Variants in HUNK observed in about 807,000 individuals in gnomAD.
HUNK encodes hormonally up-regulated Neu-associated kinase, also known as hormonally up-regulated neu tumor-associated kinase.
In HUNK, 21 loss-of-function variants were observed where a neutral mutation model predicts 61.0. The observed-to-expected ratio is 0.34, with a 90% confidence interval of 0.24 to 0.50. The LOEUF (loss-of-function observed/expected upper bound fraction) is 0.50, where lower values mean the gene tolerates loss of function less well. HUNK is among the 20% of genes least tolerant of loss of function. The pLI, the probability that HUNK is intolerant of heterozygous loss-of-function variation, is 0.98. For missense variants in HUNK, 772 were observed against 945.7 expected (o/e 0.82, Z 2.41); for synonymous variants, 371 against 386.1 (o/e 0.96, Z 0.46).
intron 5 of HUNK, among the ~76,000 whole-genome samples, chr21:31,961,419 T>G (rs1479298156): frequency 1.3e-5 from 2 of 152,140 alleles, no homozygotes; most frequent in East Asian, 3.9e-4. Flanking sequence ...TGCCTAAGAG[T>G]GAAATTGCTG....
At chr21:31,910,689 A>C (rs2052539963) in intron 1 of HUNK, among the ~76,000 whole-genome samples, 1 of 152,020 alleles carries the variant, frequency 6.6e-6, no homozygotes, top group Non-Finnish European at 1.5e-5. Flanking sequence ...GGGTTTTGCC[A>C]TGTTAGCCAG....
chr21:31,926,080 G>A (rs1331282507), intron 2 of HUNK, among the ~76,000 whole-genome samples: 3 of 152,074 alleles, frequency 2.0e-5, no homozygotes, highest in Non-Finnish European at 4.4e-5. Flanking sequence ...CACAACGCCC[G>A]GCTAATTTTT....
chr21:31,990,159 G>T lies in HUNK; in HGVS notation c.1288G>T (p.Glu430Ter). Reference protein sequence around the residue: ...ASLDTWTRDLEFHAVQDKKPK... With the variant: ...ASLDTWTRDL ...TCTGGACACCTGGACACGAGATCTT[G>T]AATTCCATGCCGTGCAGGTAAGAAC... Residue 430 changes from glutamate to a stop codon, truncating the protein, a stop_gained, in exon 9 of 11, where the codon GAA (glutamate) becomes TAA (stop). Transcript: ENST00000270112. LOFTEE classifies it high-confidence loss of function. 1 of 1,613,964 alleles carries T rather than the reference G, an allele frequency of 6.2e-7. No individual in the cohort carries two copies. Among genetic ancestry groups the T allele is most frequent in the South Asian group, 1.1e-5 (1 of 91,070 alleles).
intron 1 of HUNK, among the ~76,000 whole-genome samples, chr21:31,882,812 C>T (rs1334591894): frequency 6.6e-6 from 1 of 152,198 alleles, no homozygotes; most frequent in Non-Finnish European, 1.5e-5. Flanking sequence ...ATCCCTCCCA[C>T]CCACCAGGGC....
intron 2 of HUNK, among the ~76,000 whole-genome samples, chr21:31,930,420 G>T (rs773769720): frequency 6.6e-6 from 1 of 152,132 alleles, no homozygotes; most frequent in African/African-American, 2.4e-5. Flanking sequence ...CCGTGCTGAG[G>T]GTCCCACAGC....
chr21:31,915,980 T>C (rs73346705), intron 1 of HUNK, among the ~76,000 whole-genome samples: 12,174 of 151,528 alleles, frequency 0.08, 562 homozygotes, highest in South Asian at 0.18. Flanking sequence ...AAATTGGTAA[T>C]GATAATAACA....
In HUNK at chr21:31,971,907, T is replaced by C. The variant is rs1263930086; in HGVS notation, c.1011-2648T>C. Among the ~76,000 whole-genome samples, 3 of 151,720 alleles carry C rather than the reference T, an allele frequency of 2.0e-5. No individual in the cohort carries two copies. In the East Asian group the frequency reaches 5.8e-4, roughly 29 times the overall value. On this transcript the variant is annotated intron_variant, in intron 6 of 10. Transcript: ENST00000270112. ...TCAGTGGCGCAATCACAGCTCACTGTGACCTAGAACTCCTGGGCTCGAGTA... is the reference window on the plus strand; with the variant it reads ...TCAGTGGCGCAATCACAGCTCACTGCGACCTAGAACTCCTGGGCTCGAGTA...
intron 1 of HUNK, among the ~76,000 whole-genome samples, chr21:31,907,644 G>A (rs546959431): frequency 3.9e-5 from 6 of 152,142 alleles, no homozygotes; most frequent in Admixed American, 1.3e-4. Context: ...AAAGTAGAGA[G>A]GAGTCACAAC....
intron 2 of HUNK, among the ~76,000 whole-genome samples, chr21:31,930,977 T>G (rs1601384047): frequency 6.6e-6 from 1 of 151,094 alleles, no homozygotes; most frequent in Non-Finnish European, 1.5e-5. Context: ...ACATTATTCT[T>G]GTATTTTACC....
At position 31,990,150 on chromosome 21, in the gene HUNK, C is replaced by G. The variant is rs770233901; in HGVS notation, c.1279C>G (p.Arg427Gly). The G allele has an allele frequency of 1.2e-5, 20 of 1,613,822 alleles. No individual in the cohort carries two copies. Among genetic ancestry groups the G allele is most frequent in the Non-Finnish European group, 1.7e-6 (2 of 1,179,898 alleles). The change falls in exon 9 of 11, where the codon CGA becomes GGA. Residue 427 changes from arginine to glycine, a missense_variant. Physicochemically the swap from Arg to Gly is moderately radical, Grantham distance 125. Around this residue, in one of 2 missense-constraint regions of HUNK, gnomAD observed 413 missense variants for 444.4 expected, o/e 0.93. Coordinates refer to ENST00000270112, the MANE Select transcript of HUNK (RefSeq NM_014586.2). ...ACAGGCCTCTCTGGACACCTGGACA[C>G]GAGATCTTGAATTCCATGCCGTGCA... Reference protein sequence around the residue: ...SYEASLDTWTRDLEFHAVQDK... With the variant: ...SYEASLDTWTGDLEFHAVQDK...
intron 1 of HUNK, among the ~76,000 whole-genome samples, chr21:31,874,186 C>T (rs1176870491): frequency 6.7e-6 from 1 of 149,766 alleles, no homozygotes. Context: ...AAGCGTCCCG[C>T]GCGGCCGTTC....
At chr21:31,961,841 C>G (rs1009568886) in intron 5 of HUNK, among the ~76,000 whole-genome samples, 1 of 149,072 alleles carries the variant, frequency 6.7e-6, no homozygotes, top group Non-Finnish European at 1.5e-5. Flanking sequence ...CGATGACAGC[C>G]TGAGGAGCTG....
At chr21:31,879,530 C>A (rs991611531) in intron 1 of HUNK, among the ~76,000 whole-genome samples, 2 of 152,182 alleles carry the variant, frequency 1.3e-5, no homozygotes, top group Admixed American at 1.3e-4. Context: ...TTTGAGTCAG[C>A]GCAACAGTGC....
chr21:31,953,824 C>T (rs1819830617), intron 4 of HUNK, among the ~76,000 whole-genome samples: 1 of 151,990 alleles, frequency 6.6e-6, no homozygotes, highest in Non-Finnish European at 1.5e-5. Flanking sequence ...TAAATTCCTC[C>T]AAAAGAAATG....
chr21:31,915,211 A>G (rs766157448), intron 1 of HUNK, among the ~76,000 whole-genome samples: 2 of 152,106 alleles, frequency 1.3e-5, no homozygotes, highest in African/African-American at 4.8e-5. Context: ...GAGATTAGAG[A>G]TGTTCAACCT....
Position 31,958,927 on chromosome 21 carries a change from G to T in HUNK, c.831G>T (p.Met277Ile). 1 of 1,610,288 alleles carries T rather than the reference G, an allele frequency of 6.2e-7. No homozygotes were observed. Among genetic ancestry groups the T allele is most frequent in the Non-Finnish European group, 8.5e-7 (1 of 1,178,716 alleles). ...GCCTGAGGGCTTTGTACCAGAAGATGGTAGACAAAGAAATGAACCCCCTCC... is the reference window on the plus strand; with the variant it reads ...GCCTGAGGGCTTTGTACCAGAAGATTGTAGACAAAGAAATGAACCCCCTCC... ...PFSLRALYQK[M>I]VDKEMNPLPT... The change falls in exon 5 of 11, where the codon ATG (methionine) becomes ATT (isoleucine). Residue 277 changes from methionine (M) to isoleucine (I), a missense_variant. Transcript: ENST00000270112.
intron 1 of HUNK, among the ~76,000 whole-genome samples, chr21:31,886,015 G>A (rs1013456971): frequency 6.6e-6 from 1 of 152,196 alleles, no homozygotes; most frequent in Non-Finnish European, 1.5e-5. Context: ...ACAGACTATA[G>A]ACGTGAGCCA....
At chr21:31,957,808 A>G (rs2052899834) in intron 4 of HUNK, among the ~76,000 whole-genome samples, 1 of 152,208 alleles carries the variant, frequency 6.6e-6, no homozygotes, top group South Asian at 2.1e-4. Flanking sequence ...AGAATCTCAC[A>G]ATAAACAATA....
chr21:31,895,181 C>T (rs1036467381), intron 1 of HUNK, among the ~76,000 whole-genome samples: 2 of 152,144 alleles, frequency 1.3e-5, no homozygotes, highest in Admixed American at 6.5e-5. Flanking sequence ...AGACACAAGA[C>T]ATGCTCTGGC....
Sources: allele counts gnomAD v4.1 joint callset (sites outside exome capture counted in the v4.1 genomes callset), GRCh38; gene constraint gnomAD v4.1.1; regional missense constraint gnomAD v4.1.1; transcripts MANE v1.5; gene names NCBI Gene and HGNC (gene_info 2026-07-23, HGNC 2026-07-21).